HTR3A: variants seen among roughly 807,000 people sequenced by gnomAD.
HTR3A encodes the protein 5-hydroxytryptamine (serotonin) receptor 3A, ionotropic.
Under a neutral mutation model 54.8 loss-of-function variants are expected in HTR3A, and 45 were observed. The observed-to-expected ratio is 0.82, with a 90% CI of 0.65 to 1.05. The LOEUF is 1.05. Among genes scored for constraint, HTR3A ranks in the 50% least tolerant of loss-of-function variants. The pLI, the probability that HTR3A is intolerant of heterozygous loss-of-function variation, is 0.00. For missense variants in HTR3A, 657 were observed against 614.0 expected, an observed-to-expected ratio of 1.07 and a Z score of -0.74; for synonymous variants, 297 against 256.0, an observed-to-expected ratio of 1.16 and a Z score of -1.53.
Position 113,990,077 on chromosome 11 carries a change from T to TC in HTR3A, c.*318dup, listed in dbSNP as rs1310154534. 7 of 550,986 alleles carry TC rather than the reference T, an allele frequency of 1.3e-5. No individual in the cohort carries two copies. Among genetic ancestry groups the TC allele is most frequent in the Admixed American group, 8.8e-5 (4 of 45,294 alleles). The allele number at this position is 550,986 out of a possible 1,614,324, so 34.1% of individuals were successfully genotyped here. ...TAAGTCCACTCTAGTTGTGGACTTT[T>TC]CCCCATTGACCCTCACCTGAATAAG... On this transcript the variant is annotated 3_prime_UTR_variant, in exon 9 of 9. Coordinates refer to ENST00000504030, the MANE Select transcript of HTR3A (RefSeq NM_000869.6).
intron 3 of HTR3A, among the ~76,000 whole-genome samples, chr11:113,979,555 C>T (rs1475199094): frequency 6.6e-6 from 1 of 152,192 alleles, no homozygotes; most frequent in African/African-American, 2.4e-5. Flanking sequence ...TTGAAAGGAA[C>T]TCATGAGCCA....
chr11:113,986,539 C>G lies in HTR3A; in HGVS notation c.727C>G (p.Leu243Val). Residue 243 changes from leucine (L) to valine (V), a missense_variant, in exon 7 of 9, where the codon CTC (leucine) becomes GTC (valine). Physicochemically the swap from Leu to Val is conservative, Grantham distance 32. Coordinates refer to ENST00000504030, the MANE Select transcript of HTR3A (RefSeq NM_000869.6). ...KFYVVIRRRP[L>V]FYVVSLLLPS... Reference sequence around the variant, plus strand: ...CCAGGTGGTCATCCGCCGGCGGCCCCTCTTCTATGTGGTCAGCCTGCTACT... The same window carrying G: ...CCAGGTGGTCATCCGCCGGCGGCCCGTCTTCTATGTGGTCAGCCTGCTACT... The G allele has an allele frequency of 3.7e-6, 6 of 1,612,876 alleles. No homozygotes were observed. Among genetic ancestry groups the G allele is most frequent in the Non-Finnish European group, 5.1e-6 (6 of 1,180,034 alleles).
At chr11:113,980,444 G>C (rs1339994721) in intron 3 of HTR3A, among the ~76,000 whole-genome samples, 1 of 152,262 alleles carries the variant, frequency 6.6e-6, no homozygotes, top group East Asian at 1.9e-4. Flanking sequence ...ATGTCACCCA[G>C]CCTGGGGTGT....
Position 113,989,399 on chromosome 11 carries a change from A to G in HTR3A, c.1139-66A>G. On this transcript the variant is annotated intron_variant, in intron 8 of 8. Coordinates refer to ENST00000504030, the MANE Select transcript of HTR3A (RefSeq NM_000869.6). This position sits in a 1 kb window ranked among gnomAD's most constrained non-coding sequence, Gnocchi z 4.4. The stretch of plus-strand genomic sequence containing the variant: ...AAAAATTTACAGGCTATAGAAGCAT[A>G]AGGAACCATGTTCAGGTCACCACCC... The G allele has an allele frequency of 6.4e-7, 1 of 1,570,286 alleles. No individual in the cohort carries two copies. Among genetic ancestry groups the G allele is most frequent in the Non-Finnish European group, 8.8e-7 (1 of 1,141,804 alleles).
chr11:113,984,053 C>T (rs1398892106), intron 5 of HTR3A, among the ~76,000 whole-genome samples: 1 of 152,146 alleles, frequency 6.6e-6, no homozygotes, highest in African/African-American at 2.4e-5. Context: ...TATTCTTTCC[C>T]TTTATCACAT....
chr11:113,982,483 A>G (rs1323995155), intron 4 of HTR3A, among the ~76,000 whole-genome samples: 2 of 152,150 alleles, frequency 1.3e-5, no homozygotes, highest in Non-Finnish European at 2.9e-5. Context: ...TCTCAGCATG[A>G]ACTCACAGAA....
chr11:113,985,936 C>A, intron 5 of HTR3A, 79 bp from the exon 6 acceptor site: 1 of 1,492,850 alleles, frequency 6.7e-7, no homozygotes, highest in Non-Finnish European at 9.3e-7. Flanking sequence ...AATTGCTGCC[C>A]ACCTGTGTCC....
chr11:113,980,268 C>T (rs956010216), intron 3 of HTR3A, among the ~76,000 whole-genome samples: 1 of 152,204 alleles, frequency 6.6e-6, no homozygotes, highest in African/African-American at 2.4e-5. Flanking sequence ...CTACATGCAC[C>T]AGCAACTGTG....
chr11:113,986,692 A>T lies in HTR3A; in HGVS notation c.880A>T (p.Thr294Ser), dbSNP rs145962030. The stretch of plus-strand genomic sequence containing the variant: ...GGTCTTCCTGATCATCGTTTCTGAC[A>T]CGCTGCCGGCCACTGCCATCGGCAC... Reference protein sequence around the residue: ...YSVFLIIVSDTLPATAIGTPL... With the variant: ...YSVFLIIVSDSLPATAIGTPL... The change falls in exon 7 of 9, where the codon ACG (threonine) becomes TCG (serine). Residue 294 changes from threonine to serine, a missense_variant. Physicochemically the swap from Thr to Ser is moderately conservative, Grantham distance 58. Coordinates refer to ENST00000504030, the MANE Select transcript of HTR3A (RefSeq NM_000869.6). 1.9e-6 allele frequency: 3 copies of T among 1,613,998 alleles called. No homozygotes were observed. The African/African-American group carries it at 4.0e-5, about 22-fold the overall frequency.
intron 1 of HTR3A, among the ~76,000 whole-genome samples, chr11:113,975,907 G>A (rs185008189): frequency 5.3e-5 from 8 of 152,248 alleles, no homozygotes; most frequent in East Asian, 3.9e-4. Flanking sequence ...GCATGAGTTC[G>A]TTCTCTGGGC....
intron 4 of HTR3A, 56 bp downstream of exon 4, chr11:113,981,368 C>T (rs147851856): frequency 1.6e-5 from 17 of 1,044,836 alleles, no homozygotes; most frequent in East Asian, 7.1e-5. Flanking sequence ...TGGAGAAGCC[C>T]GGGGACAGAG....
intron 2 of HTR3A, 138 bp from the exon 3 acceptor site, chr11:113,979,095 C>G: frequency 1.4e-6 from 1 of 728,890 alleles, no homozygotes; most frequent in South Asian, 1.5e-5. Context: ...TCTACTTTCC[C>G]GACCCCGGCC....
At chr11:113,982,960 G>A (rs1421263273) in intron 4 of HTR3A, among the ~76,000 whole-genome samples, 160 bp from the exon 5 acceptor site, 1 of 152,176 alleles carries the variant, frequency 6.6e-6, no homozygotes, top group Non-Finnish European at 1.5e-5. Context: ...GCCTAAGATA[G>A]GAAGGTTGGA....
At chr11:113,979,340 G>T in intron 3 of HTR3A, 63 bp downstream of exon 3, 4 of 1,359,860 alleles carry the variant, frequency 2.9e-6, no homozygotes, top group Non-Finnish European at 4.2e-6. Context: ...TCGGGAATTC[G>T]GGAGTTTCAG....
At position 113,981,250 on chromosome 11, in the gene HTR3A, C is replaced by T. The variant is rs1298264392; in HGVS notation, c.312C>T (p.Asn104=). Residue 104 remains asparagine (N), a synonymous_variant, in exon 4 of 9, where the codon AAC becomes AAT. Transcript: ENST00000504030. The stretch of plus-strand genomic sequence containing the variant: ...AGTGGAACCCTGAGGACTTTGACAA[C>T]ATCACCAAGTTGTCCATCCCCACGG... ...FLQWNPEDFD[N]ITKLSIPTDS... is the part of the protein sequence containing the mutation. 1.2e-6 allele frequency: 2 copies of T among 1,614,004 alleles called. No homozygotes were observed. The highest frequency in any genetic ancestry group is 2.2e-5 in the South Asian group (2 of 91,078).
At chr11:113,976,019 G>A (rs893002621) in intron 1 of HTR3A, among the ~76,000 whole-genome samples, 2 of 152,112 alleles carry the variant, frequency 1.3e-5, no homozygotes, top group African/African-American at 4.8e-5. Context: ...TGAATGTAGG[G>A]TGTTTTAGCC....
chr11:113,977,475 T>TA, intron 1 of HTR3A: 1 of 1,532,396 alleles, frequency 6.5e-7, no homozygotes, highest in Non-Finnish European at 8.8e-7. Flanking sequence ...CCGACCTTCT[T>TA]AGCCCTCAAC....
At chr11:113,977,373 T>G (rs2137568285) in intron 1 of HTR3A, 1 of 612,138 alleles carries the variant, frequency 1.6e-6, no homozygotes, top group East Asian at 2.8e-5. Context: ...CATGCTTTCT[T>G]GCAACCCTCT....
At chr11:113,978,674 T>C (rs1950384814) in intron 2 of HTR3A, among the ~76,000 whole-genome samples, 1 of 152,204 alleles carries the variant, frequency 6.6e-6, no homozygotes, top group Non-Finnish European at 1.5e-5. Context: ...CCCGGCATTA[T>C]ATGTATATTA....
Sources: gnomAD v4.1 joint callset for allele counts (sites outside exome capture counted in the v4.1 genomes callset) on GRCh38, gnomAD v4.1.1 for gene constraint, Gnocchi (gnomAD v3.1) non-coding constraint, MANE v1.5 for transcripts, NCBI Gene and HGNC (gene_info 2026-07-23, HGNC 2026-07-21) for gene names.